Variants in KIAA0408 observed in about 807,000 individuals in gnomAD.
The protein encoded by KIAA0408 is KIAA0408, also known as uncharacterized protein KIAA0408.
Under a neutral mutation model 60.9 loss-of-function variants are expected in KIAA0408, and 51 were observed. The ratio of observed to expected loss-of-function variants is 0.84; its 90% confidence interval spans 0.67 to 1.06. KIAA0408 has a LOEUF of 1.06. Among genes scored for constraint, KIAA0408 ranks in the 50% least tolerant of loss-of-function variants. The probability of loss-of-function intolerance (pLI) is 0.00; values close to 1 mark genes in which losing one functional copy is unlikely to be tolerated. For synonymous variants in KIAA0408, 304 were observed against 282.4 expected (o/e 1.08, Z -0.77); for missense variants, 787 against 833.9 (o/e 0.94, Z 0.69).
At chr6:127,456,371 T>C (rs7738385) in intron 1 of KIAA0408, among the ~76,000 whole-genome samples, 102,121 of 152,052 alleles carry the variant, frequency 0.67, 34,499 homozygotes, top group East Asian at 0.73. Flanking sequence ...ATCGCTTCCA[T>C]GCTACTGTTG....
chr6:127,446,787 T>C lies in KIAA0408; in HGVS notation c.1532A>G (p.Asn511Ser). Reference sequence around the variant, plus strand: ...GCCTGTTGTGGATTTCTTGGTGGGATTATCAGGCACATTTTCCATGGGCAC... The same window carrying C: ...GCCTGTTGTGGATTTCTTGGTGGGACTATCAGGCACATTTTCCATGGGCAC... ...MPVPMENVPD[N>S]PTKKSTTGLV... is the part of the protein sequence containing the mutation. Residue 511 changes from asparagine to serine, a missense_variant, in exon 5 of 6, where the codon AAT (asparagine) becomes AGT (serine). Physicochemically the swap from Asn to Ser is conservative, Grantham distance 46. This residue lies in a region of KIAA0408 where 640 missense variants were observed against 681.3 expected (regional missense o/e 0.94). Transcript: ENST00000483725. The C allele has an allele frequency of 6.2e-7, 1 of 1,614,058 alleles. No homozygotes were observed. The highest frequency in any genetic ancestry group is 1.1e-5 in the South Asian group (1 of 91,068).
chr6:127,444,351 C>A, intron 5 of KIAA0408, 69 bp from the exon 6 acceptor site: 3 of 1,227,110 alleles, frequency 2.4e-6, no homozygotes, highest in Non-Finnish European at 3.3e-6. Context: ...TATGATGGGT[C>A]TCAACTATAA....
chr6:127,442,417 T>C lies in KIAA0408; in HGVS notation c.*1692A>G, dbSNP rs1399687511. 1 of 152,258 alleles carries C rather than the reference T, an allele frequency of 6.6e-6. No homozygotes were observed. Among genetic ancestry groups the C allele is most frequent in the Admixed American group, 6.5e-5 (1 of 15,284 alleles). The allele number at this position is 152,258 out of a possible 1,614,324, so 9.4% of individuals were successfully genotyped here. Reference sequence around the variant, plus strand: ...ATATTATGAGAGTGATATTACTTGGTGTCTAGTTTACTTTTCTTTGATAGC... The same window carrying C: ...ATATTATGAGAGTGATATTACTTGGCGTCTAGTTTACTTTTCTTTGATAGC... On this transcript the variant is annotated 3_prime_UTR_variant, in exon 6 of 6. Coordinates refer to ENST00000483725, the MANE Select transcript of KIAA0408 (RefSeq NM_014702.5).
rs997939555 is a variant in KIAA0408, at chr6:127,438,471, G to C, written c.*5638C>G. On this transcript the variant is annotated 3_prime_UTR_variant, in exon 6 of 6. Coordinates refer to ENST00000483725, the MANE Select transcript of KIAA0408 (RefSeq NM_014702.5). The stretch of plus-strand genomic sequence containing the variant: ...CATGAGTAAGTAATTGAAAAATAAA[G>C]CTTCAAAAATAAACTGGCAGCAGAG... 3 of 152,118 alleles carry C rather than the reference G, an allele frequency of 2.0e-5. No individual in the cohort carries two copies. The highest frequency in any genetic ancestry group is 4.4e-5 in the Non-Finnish European group (3 of 68,012). 9.4% of individuals were successfully genotyped at this position (152,118 alleles called of 1,614,324 possible).
At chr6:127,455,400 A>G (rs1183660205) in intron 1 of KIAA0408, among the ~76,000 whole-genome samples, 1 of 152,198 alleles carries the variant, frequency 6.6e-6, no homozygotes, top group Non-Finnish European at 1.5e-5. Context: ...AGATAACTGC[A>G]TATTTCAAAT....
In KIAA0408 at chr6:127,439,103, G is replaced by A. The variant is rs1309680584; in HGVS notation, c.*5006C>T. On this transcript the variant is annotated 3_prime_UTR_variant, in exon 6 of 6. Coordinates refer to ENST00000483725, the MANE Select transcript of KIAA0408 (RefSeq NM_014702.5). ...CACACAGCAGCCCTCACCAGACACC[G>A]AATCTGCTTGCAGCTTGATCTTGGA... 2 of 163,848 alleles carry A rather than the reference G, an allele frequency of 1.2e-5. No homozygotes were observed. The highest frequency in any genetic ancestry group is 2.4e-5 in the African/African-American group (1 of 41,580). 10.1% of individuals were successfully genotyped at this position (163,848 alleles called of 1,614,324 possible).
chr6:127,451,369 A>G, intron 2 of KIAA0408: 1 of 452,200 alleles, frequency 2.2e-6, no homozygotes, highest in Non-Finnish European at 4.4e-6. Flanking sequence ...ATGTATTAGT[A>G]TTTATTGTAT....
chr6:127,446,766 G>A lies in KIAA0408; in HGVS notation c.1553C>T (p.Thr518Ile), dbSNP rs372590924. ...VPDNPTKKST[T>I]GLVRQMQGHL... ...TCCCTGCATTTGTCTTACTAGGCCT[G>A]TTGTGGATTTCTTGGTGGGATTATC... The change falls in exon 5 of 6, where the codon ACA becomes ATA. Residue 518 changes from threonine to isoleucine, a missense_variant. Physicochemically the swap from Thr to Ile is moderately conservative, Grantham distance 89. Coordinates refer to ENST00000483725, the MANE Select transcript of KIAA0408 (RefSeq NM_014702.5). 3.7e-6 allele frequency: 6 copies of A among 1,613,994 alleles called. No homozygotes were observed. The highest frequency in any genetic ancestry group is 1.7e-5 in the Admixed American group (1 of 59,984).
In KIAA0408 at chr6:127,447,502, T is replaced by C. The variant is rs1359777236; in HGVS notation, c.817A>G (p.Thr273Ala). The change falls in exon 5 of 6, where the codon ACC becomes GCC. Residue 273 changes from threonine (T) to alanine (A), a missense_variant. Transcript: ENST00000483725. ...TCCGAGCTGGGAAAATTTCGAGAGG[T>C]GCTTCTTGGAGGAGGAACTGGTGGA... ...ETPPVPPPRS[T>A]SRNFPSSDSE... The C allele has an allele frequency of 1.9e-6, 3 of 1,612,330 alleles. No individual in the cohort carries two copies. The highest frequency in any genetic ancestry group is 8.5e-7 in the Non-Finnish European group (1 of 1,179,592).
intron 4 of KIAA0408, among the ~76,000 whole-genome samples, chr6:127,448,031 CTATGT>C (rs1562370338): frequency 6.6e-6 from 1 of 152,184 alleles, no homozygotes; most frequent in South Asian, 2.1e-4. Context: ...TCAGATTAAA[CTATGT>C]AGTCTCCTGG....
chr6:127,453,417 T>C (rs1773335857), intron 2 of KIAA0408, among the ~76,000 whole-genome samples: 2 of 152,050 alleles, frequency 1.3e-5, no homozygotes, highest in Admixed American at 6.6e-5. Context: ...TAACATGTAA[T>C]TTCCTTTAAT....
chr6:127,454,253 T>A, intron 1 of KIAA0408, 152 bp from the exon 2 acceptor site: 1 of 687,070 alleles, frequency 1.5e-6, no homozygotes, highest in Non-Finnish European at 1.9e-6. Flanking sequence ...AAGAAGAAAC[T>A]AACACAGTCA....
chr6:127,453,040 A>G (rs1314921952), intron 2 of KIAA0408, among the ~76,000 whole-genome samples: 1 of 152,112 alleles, frequency 6.6e-6, no homozygotes, highest in Non-Finnish European at 1.5e-5. Context: ...TAAAGCACTT[A>G]CTTTGCCTGC....
At position 127,453,841 on chromosome 6, in the gene KIAA0408, G is replaced by C; in HGVS notation, c.135+6C>G. On this transcript the variant is annotated splice_donor_region_variant and intron_variant, in intron 2 of 5. Coordinates refer to ENST00000483725, the MANE Select transcript of KIAA0408 (RefSeq NM_014702.5). ...TACAGTATATCCAAAACAAATTAAA[G>C]TGTACCTCTTCTATTTTCTTCTGCA... 1.2e-6 allele frequency: 2 copies of C among 1,610,568 alleles called. No individual in the cohort carries two copies. Among genetic ancestry groups the C allele is most frequent in the South Asian group, 1.1e-5 (1 of 90,628 alleles).
rs1297636376 is a variant in KIAA0408, at chr6:127,441,278, T to C, written c.*2831A>G. 1 of 152,758 alleles carries C rather than the reference T, an allele frequency of 6.5e-6. No homozygotes were observed. The highest frequency in any genetic ancestry group is 1.9e-4 in the East Asian group (1 of 5,186). 9.5% of individuals were successfully genotyped at this position (152,758 alleles called of 1,614,324 possible). On this transcript the variant is annotated 3_prime_UTR_variant, in exon 6 of 6. Transcript: ENST00000483725. ...GCAAAATGAAATATGATCATCTTCA[T>C]TGTCGATATAAAAACAAATGAAAGT...
rs1562373569 is a variant in KIAA0408, at chr6:127,458,153, G to A, written c.-121+1022C>T. 2.0e-5 allele frequency among the ~76,000 whole-genome samples: 3 copies of A among 152,130 alleles called. No homozygotes were observed. In the South Asian group the frequency reaches 6.2e-4, roughly 32 times the overall value. On this transcript the variant is annotated intron_variant, in intron 1 of 5. Coordinates refer to ENST00000483725, the MANE Select transcript of KIAA0408 (RefSeq NM_014702.5). ...CTTCTGCTTAACTTTGATGGATTAG[G>A]AATTCCCCAGCTTATAACCTATCAG...
intron 4 of KIAA0408, 33 bp downstream of exon 4, chr6:127,449,789 A>G (rs1277836294): frequency 1.2e-6 from 2 of 1,609,636 alleles, no homozygotes; most frequent in South Asian, 1.1e-5. Flanking sequence ...TTTTTTATTT[A>G]CCCATCTAAA....
rs1773057385 is a variant in KIAA0408, at chr6:127,438,617, A to G, written c.*5492T>C. 1 of 152,232 alleles carries G rather than the reference A, an allele frequency of 6.6e-6. No individual in the cohort carries two copies. The highest frequency in any genetic ancestry group is 2.1e-4 in the South Asian group (1 of 4,834). 9.4% of individuals were successfully genotyped at this position (152,232 alleles called of 1,614,324 possible). On this transcript the variant is annotated 3_prime_UTR_variant, in exon 6 of 6. Transcript: ENST00000483725. ...TATATAAATCTAGATGGTAGGCTTG[A>G]AAGTATGATCTATTGCTCCTAGGCT...
At position 127,446,689 on chromosome 6, in the gene KIAA0408, G is replaced by T; in HGVS notation, c.1630C>A (p.Pro544Thr). The change falls in exon 5 of 6, where the codon CCG becomes ACG. Residue 544 changes from proline (P) to threonine (T), a missense_variant. Physicochemically the swap from Pro to Thr is conservative, Grantham distance 38. This residue lies in a region of KIAA0408 where 640 missense variants were observed against 681.3 expected (regional missense o/e 0.94). Transcript: ENST00000483725. ...CTCGGACGGCCAGACAAATTACTCG[G>T]TCTCCAGTCATGCTCGTGGAGCATA... ...RNMLHEHDWR[P>T]SNLSGRPRSA... 22 of 1,613,946 alleles carry T rather than the reference G, an allele frequency of 1.4e-5. No homozygotes were observed. The highest frequency in any genetic ancestry group is 1.6e-5 in the Non-Finnish European group (19 of 1,180,012).
Sources: allele counts gnomAD v4.1 joint callset (sites outside exome capture counted in the v4.1 genomes callset), GRCh38; gene constraint gnomAD v4.1.1; regional missense constraint gnomAD v4.1.1; transcripts MANE v1.5; gene names NCBI Gene and HGNC (gene_info 2026-07-23, HGNC 2026-07-21).